Variants in CDH13 observed in about 807,000 individuals in gnomAD.
The protein encoded by CDH13 is cadherin-13.
A neutral mutation model predicts 63.8 loss-of-function variants in CDH13; 24 were observed. The ratio of observed to expected loss-of-function variants is 0.38; its 90% CI spans 0.27 to 0.53. The LOEUF (loss-of-function observed/expected upper bound fraction) is 0.53, where lower values mean the gene tolerates loss of function less well. CDH13 is among the 20% of genes least tolerant of loss of function. The pLI, the probability that CDH13 is intolerant of heterozygous loss-of-function variation, is 0.85. For synonymous variants in CDH13, 503 were observed against 355.3 expected, an observed-to-expected ratio of 1.42 and a Z score of -4.67; for missense variants, 1,049 against 903.1, an observed-to-expected ratio of 1.16 and a Z score of -2.07.
chr16:83,350,032 T>G lies in CDH13; in HGVS notation c.781+5026T>G, dbSNP rs1183489013. ...CTAAGGGGCAGGTAGCTAGAATATC[T>G]ACTCCCCCAAGTCTGATAATGAGAC... is the stretch of plus-strand genomic sequence containing the variant. On this transcript the variant is annotated intron_variant, in intron 6 of 13. Coordinates refer to ENST00000567109, the MANE Select transcript of CDH13 (RefSeq NM_001257.5). 2.0e-5 allele frequency among the ~76,000 whole-genome samples: 3 copies of G among 152,298 alleles called. No individual in the cohort carries two copies. The East Asian group carries it at 5.8e-4, about 29-fold the overall frequency.
intron 6 of CDH13, among the ~76,000 whole-genome samples, chr16:83,390,988 G>C (rs558597105): frequency 7.6e-4 from 116 of 152,124 alleles, no homozygotes; most frequent in Non-Finnish European, 1.4e-3. Flanking sequence ...TTAGCTTTCA[G>C]AGGATTTAAT....
chr16:83,001,166 A>T (rs1912886219), intron 2 of CDH13, among the ~76,000 whole-genome samples: 7 of 152,258 alleles, frequency 4.6e-5, no homozygotes, highest in Admixed American at 4.6e-4. Flanking sequence ...CTTTATATTT[A>T]TTCCAAAAAA....
intron 2 of CDH13, among the ~76,000 whole-genome samples, chr16:83,022,598 C>T (rs1271898863): frequency 1.3e-5 from 2 of 152,264 alleles, no homozygotes; most frequent in South Asian, 2.1e-4. Context: ...TCTGTGTGTG[C>T]GTATGAAGAT....
intron 2 of CDH13, among the ~76,000 whole-genome samples, chr16:82,860,125 C>A (rs1368638874): frequency 6.6e-6 from 1 of 152,014 alleles, no homozygotes; most frequent in Non-Finnish European, 1.5e-5. Flanking sequence ...CTCTGTCTTC[C>A]TTTTATTTTT....
chr16:83,391,860 T>C (rs1289714644), intron 6 of CDH13, among the ~76,000 whole-genome samples: 3 of 152,210 alleles, frequency 2.0e-5, no homozygotes, highest in Admixed American at 2.0e-4. Flanking sequence ...TGTTCATCTG[T>C]ACGAAAATAT....
chr16:83,225,200 G>T (rs1001256521), intron 5 of CDH13, among the ~76,000 whole-genome samples: 1 of 152,134 alleles, frequency 6.6e-6, no homozygotes, highest in African/African-American at 2.4e-5. Flanking sequence ...TCACACTCTT[G>T]GGTATTAACA....
At chr16:82,639,160 TCTTTC>T (rs1909069916) in intron 1 of CDH13, among the ~76,000 whole-genome samples, 1 of 152,162 alleles carries the variant, frequency 6.6e-6, no homozygotes, top group Non-Finnish European at 1.5e-5. Flanking sequence ...ATATAAAAAT[TCTTTC>T]CTTTGTCTAT....
chr16:83,464,693 C>T (rs980855197), intron 6 of CDH13, among the ~76,000 whole-genome samples: 6 of 152,066 alleles, frequency 3.9e-5, no homozygotes, highest in Non-Finnish European at 5.9e-5. Flanking sequence ...CAAGGCTGGA[C>T]GGAATGCCTG....
chr16:83,603,404 G>C (rs939274682), intron 8 of CDH13, among the ~76,000 whole-genome samples: 1 of 152,180 alleles, frequency 6.6e-6, no homozygotes, highest in South Asian at 2.1e-4. Context: ...TCTGTTGCCT[G>C]ATTTGACTGT....
chr16:83,371,992 T>A (rs969591745), intron 6 of CDH13, among the ~76,000 whole-genome samples: 1 of 152,250 alleles, frequency 6.6e-6, no homozygotes, highest in Admixed American at 6.5e-5. Flanking sequence ...GAAAGTAGAA[T>A]GGCCCAATAT....
chr16:83,670,875 G>A lies in CDH13; in HGVS notation c.1187G>A (p.Trp396Ter). ...EDKDDPTTGA[W>*]RAAYTIINGN... ...AAGGATGACCCCACCACAGGTGCAT[G>A]GAGGGCTGCCTACACCATCATCAAC... The change falls in exon 9 of 14, where the codon TGG becomes TAG. Residue 396 changes from tryptophan (W) to a stop codon, truncating the protein, a stop_gained. Coordinates refer to ENST00000567109, the MANE Select transcript of CDH13 (RefSeq NM_001257.5). LOFTEE classifies it high-confidence loss of function. The A allele has an allele frequency of 6.2e-7, 1 of 1,613,900 alleles. No homozygotes were observed. The highest frequency in any genetic ancestry group is 8.5e-7 in the Non-Finnish European group (1 of 1,179,808).
intron 4 of CDH13, among the ~76,000 whole-genome samples, chr16:83,201,580 T>G (rs1173430410): frequency 6.6e-6 from 1 of 151,920 alleles, no homozygotes; most frequent in Non-Finnish European, 1.5e-5. Context: ...GAGCATAATT[T>G]GGGACCAAGG....
chr16:83,557,246 T>C (rs2075623090), intron 7 of CDH13, among the ~76,000 whole-genome samples: 1 of 152,126 alleles, frequency 6.6e-6, no homozygotes, highest in Non-Finnish European at 1.5e-5. Context: ...GACCATCTAG[T>C]TGAAGGAAAA....
chr16:83,152,128 C>T (rs1201769447), intron 4 of CDH13, among the ~76,000 whole-genome samples: 2 of 152,074 alleles, frequency 1.3e-5, no homozygotes, highest in Non-Finnish European at 1.5e-5. Flanking sequence ...ATGAGAAATA[C>T]CATTTGTGAT....
intron 1 of CDH13, among the ~76,000 whole-genome samples, chr16:82,753,500 G>A (rs75784570): frequency 0.01 from 1,538 of 152,142 alleles, 24 homozygotes; most frequent in African/African-American, 0.036. Flanking sequence ...ACAGACCTGT[G>A]TATTTACGTA....
intron 2 of CDH13, among the ~76,000 whole-genome samples, chr16:82,860,194 C>G (rs2039879790): frequency 6.6e-6 from 1 of 152,022 alleles, no homozygotes; most frequent in Admixed American, 6.5e-5. Flanking sequence ...TGCGAAGCGA[C>G]CCTGAGTATG....
At chr16:83,274,318 G>T (rs1217414484) in intron 5 of CDH13, among the ~76,000 whole-genome samples, 3 of 152,186 alleles carry the variant, frequency 2.0e-5, no homozygotes, top group Non-Finnish European at 4.4e-5. Flanking sequence ...GTGGATCAGA[G>T]ACCTCTCAGT....
chr16:82,758,079 C>A (rs193157959), intron 1 of CDH13, among the ~76,000 whole-genome samples: 1 of 152,042 alleles, frequency 6.6e-6, no homozygotes, highest in East Asian at 1.9e-4. Flanking sequence ...TGTTCATGAC[C>A]GGTGAGTGCC....
At chr16:83,513,284 G>A (rs185547719) in intron 7 of CDH13, among the ~76,000 whole-genome samples, 1 of 152,254 alleles carries the variant, frequency 6.6e-6, no homozygotes, top group East Asian at 1.9e-4. Flanking sequence ...CCTGACCACA[G>A]AGTGATGAAC....
Sources: gnomAD v4.1 joint callset for allele counts (sites outside exome capture counted in the v4.1 genomes callset) on GRCh38, gnomAD v4.1.1 for gene constraint, MANE v1.5 for transcripts, NCBI Gene and HGNC (gene_info 2026-07-23, HGNC 2026-07-21) for gene names.